Variants in DNAH3 observed in about 807,000 individuals in gnomAD.
DNAH3 encodes axonemal beta dynein heavy chain 3.
In DNAH3, 332 loss-of-function variants were observed where a neutral mutation model predicts 432.5. The observed-to-expected ratio is 0.77, with a 90% CI of 0.70 to 0.84. The LOEUF is 0.84. Among genes scored for constraint, DNAH3 ranks in the 40% least tolerant of loss-of-function variants. DNAH3 has a pLI of 0.00. For synonymous variants in DNAH3, 1,956 were observed against 1,900.2 expected (o/e 1.03, Z -0.76); for missense variants, 4,861 against 5,114.0 (o/e 0.95, Z 1.51).
At chr16:20,988,014 T>C in exon 45 of DNAH3, 1 of 1,614,192 alleles carries the variant, frequency 6.2e-7, no homozygotes, top group Non-Finnish European at 8.5e-7. Flanking sequence ...GGTTAAAATG[T>C]CATCCTCAAA....
intron 48 of DNAH3, among the ~76,000 whole-genome samples, chr16:20,984,563 G>A (rs530811937): frequency 1.3e-5 from 2 of 152,206 alleles, no homozygotes; most frequent in African/African-American, 2.4e-5. Context: ...AATTGAAGAC[G>A]GGGGACAGGT....
At chr16:21,005,712 G>C (rs1002296840) in intron 41 of DNAH3, among the ~76,000 whole-genome samples, 1 of 151,646 alleles carries the variant, frequency 6.6e-6, no homozygotes, top group Non-Finnish European at 1.5e-5. Context: ...GGGGCTTATA[G>C]GTGCTCAACT....
intron 59 of DNAH3, among the ~76,000 whole-genome samples, chr16:20,940,480 G>A (rs2083763747): frequency 6.6e-6 from 1 of 152,056 alleles, no homozygotes; most frequent in Admixed American, 6.6e-5. Context: ...AGGCTGGAGT[G>A]CAGTGGCAAG....
intron 43 of DNAH3, among the ~76,000 whole-genome samples, chr16:20,999,338 GA>G (rs2086907604): frequency 6.6e-6 from 1 of 152,140 alleles, no homozygotes; most frequent in Admixed American, 6.5e-5. Flanking sequence ...AATAGGGAGG[GA>G]GAGCAAGATG....
At chr16:20,989,484 C>T (rs1597074988) in intron 44 of DNAH3, among the ~76,000 whole-genome samples, 1 of 152,154 alleles carries the variant, frequency 6.6e-6, no homozygotes, top group Admixed American at 6.5e-5. Flanking sequence ...AAACCTTCAG[C>T]TAAACACAGG....
chr16:21,018,408 C>T (rs2087971418), intron 41 of DNAH3, among the ~76,000 whole-genome samples: 1 of 152,060 alleles, frequency 6.6e-6, no homozygotes, highest in Non-Finnish European at 1.5e-5. Context: ...TTCTTCTATT[C>T]CTTTCTCTGT....
At chr16:20,963,828 A>G in exon 53 of DNAH3, 1 of 1,614,010 alleles carries the variant, frequency 6.2e-7, no homozygotes, top group South Asian at 1.1e-5. Context: ...TCAGGGTGAA[A>G]TGGTCAATGA....
Position 21,107,318 on chromosome 16 carries a change from C to T in DNAH3, c.2100-644G>A, listed in dbSNP as rs375637763. On this transcript the variant is annotated intron_variant, in intron 14 of 61. Coordinates refer to ENST00000261383, the Ensembl canonical transcript of DNAH3. ...ATTACAGTGGTGTGATAGCTCACTG[C>T]AACCTCTGCTTCCCGGGCTCAAGCA... Among the ~76,000 whole-genome samples the T allele has an allele frequency of 4.9e-5, 7 of 141,742 alleles. No individual in the cohort carries two copies. In the South Asian group the frequency reaches 6.6e-4, roughly 13 times the overall value. 93.0% of individuals were successfully genotyped at this position (141,742 alleles called of 152,430 possible).
At chr16:21,117,610 A>G (rs142644649) in intron 11 of DNAH3, among the ~76,000 whole-genome samples, 4 of 152,142 alleles carry the variant, frequency 2.6e-5, no homozygotes, top group African/African-American at 9.6e-5. Context: ...ACCGCCCCAC[A>G]ACGCTCCAGT....
chr16:21,072,018 G>C (rs1212177581), intron 21 of DNAH3, among the ~76,000 whole-genome samples: 1 of 152,076 alleles, frequency 6.6e-6, no homozygotes, highest in Admixed American at 6.6e-5. Context: ...ATAAAATACA[G>C]CTATTAGTTT....
intron 28 of DNAH3, among the ~76,000 whole-genome samples, chr16:21,053,016 G>A (rs745985405): frequency 6.6e-6 from 1 of 152,186 alleles, no homozygotes; most frequent in Non-Finnish European, 1.5e-5. Context: ...GGGCCTTGAA[G>A]TTGAAGAGTG....
intron 44 of DNAH3, among the ~76,000 whole-genome samples, chr16:20,992,961 G>T (rs1438724334): frequency 6.6e-6 from 1 of 152,154 alleles, no homozygotes; most frequent in Non-Finnish European, 1.5e-5. Flanking sequence ...TACCACCCAG[G>T]TTCAAGCAAT....
intron 60 of DNAH3, among the ~76,000 whole-genome samples, chr16:20,936,398 C>G (rs28491165): frequency 6.6e-6 from 1 of 151,580 alleles, no homozygotes; most frequent in Non-Finnish European, 1.5e-5. Context: ...TCAAGTGATC[C>G]GCCTGCCTCG....
In DNAH3 at chr16:20,993,031, A is replaced by G. The variant is rs143513563; in HGVS notation, c.6601+4252T>C. On this transcript the variant is annotated intron_variant, in intron 44 of 61. Coordinates refer to ENST00000261383, the Ensembl canonical transcript of DNAH3. ...CAGGCTTGCACCACCATGCCTGTCT[A>G]ATTTTTGTATTTTTAGTAGAGGCAG... Among the ~76,000 whole-genome samples the G allele has an allele frequency of 2.2e-3, 336 of 151,928 alleles. 8 individuals carry two copies. In the East Asian group the frequency reaches 0.05, roughly 23 times the overall value.
chr16:21,060,883 A>G (rs1367832833), intron 25 of DNAH3, among the ~76,000 whole-genome samples: 2 of 137,422 alleles, frequency 1.5e-5, no homozygotes, highest in South Asian at 4.6e-4. Flanking sequence ...TGTCATCCAG[A>G]CTGGAGTGCG....
intron 18 of DNAH3, among the ~76,000 whole-genome samples, chr16:21,096,607 T>C (rs2091687954): frequency 6.6e-6 from 1 of 152,222 alleles, no homozygotes. Context: ...CATTTGATTG[T>C]TTCCAGGTGC....
intron 17 of DNAH3, among the ~76,000 whole-genome samples, 169 bp from the exon 18 acceptor site, chr16:21,097,668 T>G (rs771997627): frequency 2.8e-4 from 42 of 152,306 alleles, no homozygotes; most frequent in Non-Finnish European, 5.6e-4. Flanking sequence ...AATGTCCCTC[T>G]GCCACCTCCA....
chr16:21,134,181 G>T, intron 7 of DNAH3, 78 bp downstream of exon 8: 1 of 1,417,192 alleles, frequency 7.1e-7, no homozygotes, highest in Non-Finnish European at 9.6e-7. Context: ...TACCCCCACT[G>T]TGCACAGCAG....
intron 1 of DNAH3, chr16:21,159,268 C>G (rs1033978697): frequency 6.8e-7 from 1 of 1,460,036 alleles, no homozygotes. Context: ...CTCGACTCCC[C>G]TCTGAGTTCC....
Sources: gnomAD v4.1 joint callset for allele counts (sites outside exome capture counted in the v4.1 genomes callset) on GRCh38, gnomAD v4.1.1 for gene constraint, MANE v1.5 for transcripts, NCBI Gene and HGNC (gene_info 2026-07-23, HGNC 2026-07-21) for gene names.